The following TRHDE variants were observed in gnomAD, a reference collection of about 807,000 sequenced individuals.
TRHDE encodes thyrotropin releasing hormone degrading enzyme.
Under a neutral mutation model 125.7 loss-of-function variants are expected in TRHDE, and 72 were observed. The ratio of observed to expected loss-of-function variants is 0.57; its 90% CI spans 0.47 to 0.70. The LOEUF (loss-of-function observed/expected upper bound fraction) is 0.70, where lower values mean the gene tolerates loss of function less well. TRHDE is among the 30% of genes least tolerant of loss of function. TRHDE has a pLI of 0.00. For synonymous variants in TRHDE, 509 were observed against 509.1 expected (o/e 1.00, Z 0.00); for missense variants, 1,110 against 1,327.1 (o/e 0.84, Z 2.54).
Position 72,639,841 on chromosome 12 carries a change from G to C in TRHDE, c.2676-12481G>C, listed in dbSNP as rs576412092. Among the ~76,000 whole-genome samples, 7 of 152,326 alleles carry C rather than the reference G, an allele frequency of 4.6e-5. No homozygotes were observed. In the East Asian group the frequency reaches 1.4e-3, roughly 29 times the overall value. On this transcript the variant is annotated intron_variant, in intron 15 of 18. Coordinates refer to ENST00000261180, the MANE Select transcript of TRHDE (RefSeq NM_013381.3). ...GGGGTCAGCAGTCAGGGACCCACTT[G>C]AGGAGGCAGTCTGCCCGTTCTCAGA...
chr12:72,631,057 T>C (rs922257719), intron 15 of TRHDE, among the ~76,000 whole-genome samples: 6 of 150,904 alleles, frequency 4.0e-5, no homozygotes, highest in Non-Finnish European at 8.9e-5. Flanking sequence ...AAATAAACCT[T>C]ATTTTATCCT....
chr12:72,222,058 G>C (rs1277636179), intron 2 of TRHDE, among the ~76,000 whole-genome samples: 2 of 152,150 alleles, frequency 1.3e-5, no homozygotes, highest in South Asian at 2.1e-4. Context: ...GTGGTCGAAG[G>C]CTTCAGGAGC....
At chr12:72,198,167 T>C (rs755685170) in intron 2 of TRHDE, among the ~76,000 whole-genome samples, 2 of 152,148 alleles carry the variant, frequency 1.3e-5, no homozygotes, top group Non-Finnish European at 2.9e-5. Context: ...TGATAAATAA[T>C]ATTGTATTGT....
At position 72,289,395 on chromosome 12, in the gene TRHDE, A is replaced by G. The variant is rs535526429; in HGVS notation, c.1188+2441A>G. Among the ~76,000 whole-genome samples, 8 of 152,302 alleles carry G rather than the reference A, an allele frequency of 5.3e-5. No individual in the cohort carries two copies. In the East Asian group the frequency reaches 1.2e-3, roughly 22 times the overall value. ...AATTAGAAAGATTAAAAAAAAATCTAAAATCCTTCTGGTACAGAGATTGCA... is the reference window on the plus strand; with the variant it reads ...AATTAGAAAGATTAAAAAAAAATCTGAAATCCTTCTGGTACAGAGATTGCA... On this transcript the variant is annotated intron_variant, in intron 2 of 18. Coordinates refer to ENST00000261180, the MANE Select transcript of TRHDE (RefSeq NM_013381.3).
At chr12:72,335,543 C>T (rs1160129456) in intron 2 of TRHDE, among the ~76,000 whole-genome samples, 1 of 152,184 alleles carries the variant, frequency 6.6e-6, no homozygotes, top group African/African-American at 2.4e-5. Flanking sequence ...TGCCAACTAC[C>T]TCTCTGCACA....
At chr12:72,505,027 T>C (rs1003731925) in intron 6 of TRHDE, among the ~76,000 whole-genome samples, 1 of 152,142 alleles carries the variant, frequency 6.6e-6, no homozygotes, top group Non-Finnish European at 1.5e-5. Context: ...TTAAATAGCT[T>C]TTTATAAAGA....
In TRHDE at chr12:72,436,707, G is replaced by A. The variant is rs181960658; in HGVS notation, c.1316-33051G>A. ...ATCTTGAACTTTCAAGATCATTGACGTACTGAAGAACCGAGAGTAATTTTT... is the reference window on the plus strand; with the variant it reads ...ATCTTGAACTTTCAAGATCATTGACATACTGAAGAACCGAGAGTAATTTTT... On this transcript the variant is annotated intron_variant, in intron 3 of 18. Coordinates refer to ENST00000261180, the MANE Select transcript of TRHDE (RefSeq NM_013381.3). 7.2e-3 allele frequency among the ~76,000 whole-genome samples: 1,096 copies of A among 151,802 alleles called. 7 individuals carry two copies. Among genetic ancestry groups the A allele is most frequent in the African/African-American group, 0.021 (873 of 41,442 alleles).
chr12:72,535,635 G>A (rs1868816764), intron 6 of TRHDE, among the ~76,000 whole-genome samples: 1 of 151,066 alleles, frequency 6.6e-6, no homozygotes, highest in Non-Finnish European at 1.5e-5. Flanking sequence ...TCAGGATTAG[G>A]TATTTCTTTT....
intron 12 of TRHDE, among the ~76,000 whole-genome samples, chr12:72,597,758 T>TATATATACAC (rs1565804834): frequency 4.9e-5 from 1 of 20,300 alleles, no homozygotes; most frequent in African/African-American, 2.0e-4. Flanking sequence ...TATATATATA[T>TATATATACAC]GCATACACAC....
intron 2 of TRHDE, chr12:72,264,728 A>G (rs1362416998): frequency 6.6e-6 from 1 of 151,952 alleles, no homozygotes; most frequent in African/African-American, 2.4e-5. Context: ...CAGACCCTAT[A>G]TATGTATTGT....
chr12:72,413,476 G>C (rs999437806), intron 3 of TRHDE, among the ~76,000 whole-genome samples: 2 of 148,612 alleles, frequency 1.3e-5, no homozygotes, highest in Admixed American at 6.7e-5. Context: ...AAAATAAAAT[G>C]ATATTTGGAC....
chr12:72,434,684 T>A (rs1039542581), intron 3 of TRHDE, among the ~76,000 whole-genome samples: 1 of 152,212 alleles, frequency 6.6e-6, no homozygotes, highest in Non-Finnish European at 1.5e-5. Context: ...TAAGGTCCCA[T>A]GCTCTAATGC....
At chr12:72,391,917 T>C (rs1872625036) in intron 3 of TRHDE, among the ~76,000 whole-genome samples, 1 of 152,152 alleles carries the variant, frequency 6.6e-6, no homozygotes, top group Non-Finnish European at 1.5e-5. Context: ...TGTAACTGTA[T>C]TGAAATAGAG....
At chr12:72,124,203 C>A (rs1340263784) in intron 2 of TRHDE, among the ~76,000 whole-genome samples, 1 of 152,130 alleles carries the variant, frequency 6.6e-6, no homozygotes, top group African/African-American at 2.4e-5. Context: ...TAATTAAGGT[C>A]ACCTGCAAGT....
chr12:72,438,907 A>G (rs1874869709), intron 3 of TRHDE, among the ~76,000 whole-genome samples: 1 of 150,670 alleles, frequency 6.6e-6, no homozygotes, highest in Admixed American at 6.6e-5. Context: ...TTTGAACCTT[A>G]TGTGTAAGTC....
chr12:72,526,909 T>A (rs563596112), intron 6 of TRHDE, among the ~76,000 whole-genome samples: 12 of 152,268 alleles, frequency 7.9e-5, no homozygotes, highest in African/African-American at 2.9e-4. Flanking sequence ...AATTGTAAGT[T>A]TGGGAATCAG....
intron 2 of TRHDE, among the ~76,000 whole-genome samples, chr12:72,372,239 GT>G (rs960556725): frequency 2.0e-5 from 3 of 150,842 alleles, no homozygotes; most frequent in Admixed American, 1.3e-4. Context: ...CGATGGGGTT[GT>G]TTTTTTTTCT....
intron 2 of TRHDE, among the ~76,000 whole-genome samples, chr12:72,374,736 A>C (rs1871795191): frequency 6.6e-6 from 1 of 152,112 alleles, no homozygotes; most frequent in Non-Finnish European, 1.5e-5. Context: ...CTGAGAACTG[A>C]CTGTTGGATT....
chr12:72,639,456 TC>T (rs1873933279), intron 15 of TRHDE, among the ~76,000 whole-genome samples: 3 of 152,338 alleles, frequency 2.0e-5, no homozygotes, highest in Non-Finnish European at 2.9e-5. Context: ...TTGAATGTCC[TC>T]CCGTAGCTCG....
Sources: gnomAD v4.1 joint callset for allele counts (sites outside exome capture counted in the v4.1 genomes callset) on GRCh38, gnomAD v4.1.1 for gene constraint, MANE v1.5 for transcripts, NCBI Gene and HGNC (gene_info 2026-07-23, HGNC 2026-07-21) for gene names.